The following CCDC192 variants were observed in gnomAD, a reference collection of about 807,000 sequenced individuals.
CCDC192 encodes the protein coiled-coil domain-containing protein 192.
At chr5:127,937,836 C>T (rs1177109371) in intron 6 of CCDC192, among the ~76,000 whole-genome samples, 1 of 152,216 alleles carries the variant, frequency 6.6e-6, no homozygotes, top group Non-Finnish European at 1.5e-5. Flanking sequence ...ACGTTTTGAC[C>T]AGTTTGACCA....
At chr5:127,737,612 T>C (rs1753100504) in intron 2 of CCDC192, among the ~76,000 whole-genome samples, 1 of 152,002 alleles carries the variant, frequency 6.6e-6, no homozygotes, top group Admixed American at 6.6e-5. Flanking sequence ...ATCTGGGTGC[T>C]CCTGTATTGG....
chr5:127,890,850 C>G (rs1752711829), intron 6 of CCDC192, among the ~76,000 whole-genome samples: 1 of 152,214 alleles, frequency 6.6e-6, no homozygotes, highest in African/African-American at 2.4e-5. Context: ...CTGGTGGAAG[C>G]TATCTATCTC....
intron 2 of CCDC192, among the ~76,000 whole-genome samples, chr5:127,712,398 T>A (rs1751389390): frequency 6.6e-6 from 1 of 152,182 alleles, no homozygotes; most frequent in Non-Finnish European, 1.5e-5. Context: ...CTCAATAAGC[T>A]GATTGTTAAA....
At chr5:127,838,824 T>A (rs1433313389) in intron 5 of CCDC192, 1 of 152,260 alleles carries the variant, frequency 6.6e-6, no homozygotes, top group East Asian at 1.9e-4. Context: ...GAAAGCAGCA[T>A]CCTGTGTGTA....
At chr5:127,792,812 GGAA>G (rs34627392) in intron 3 of CCDC192, among the ~76,000 whole-genome samples, 64,473 of 147,632 alleles carry the variant, frequency 0.44, 14,046 homozygotes, top group East Asian at 0.51. Context: ...GAGGAGAAGA[GGAA>G]GAAGAAGAAG....
At chr5:127,870,173 T>C (rs1178760514) in intron 5 of CCDC192, among the ~76,000 whole-genome samples, 1 of 152,160 alleles carries the variant, frequency 6.6e-6, no homozygotes. Context: ...ATAACAAGAA[T>C]CAATTCTGGA....
rs550823923 is a variant in CCDC192, at chr5:127,932,148, C to A, written c.536-9034C>A. ...CAGCCTGGGCAACAGAGTGAGACTC[C>A]GTCTCAAAAAAAAAAAAAAAAAGTA... On this transcript the variant is annotated intron_variant, in intron 6 of 6. Coordinates refer to ENST00000514853, the MANE Select transcript of CCDC192 (RefSeq NM_001317938.2). Among the ~76,000 whole-genome samples the A allele has an allele frequency of 1.7e-3, 241 of 139,980 alleles. 2 individuals carry two copies. Among genetic ancestry groups the A allele is most frequent in the African/African-American group, 6.3e-3 (225 of 35,616 alleles). 91.8% of individuals were successfully genotyped at this position (139,980 alleles called of 152,430 possible).
chr5:127,719,315 C>G (rs1751822797), intron 2 of CCDC192, among the ~76,000 whole-genome samples: 1 of 151,588 alleles, frequency 6.6e-6, no homozygotes, highest in Non-Finnish European at 1.5e-5. Context: ...GACACTTAGA[C>G]TGCTTCCAAA....
At chr5:127,815,445 G>A (rs1318733877) in intron 5 of CCDC192, among the ~76,000 whole-genome samples, 20 of 152,036 alleles carry the variant, frequency 1.3e-4, no homozygotes, top group Non-Finnish European at 2.9e-5. Flanking sequence ...TAGGGGGTGG[G>A]GAAAATCAGG....
At chr5:127,749,190 C>T (rs1289605018) in intron 2 of CCDC192, among the ~76,000 whole-genome samples, 1 of 151,820 alleles carries the variant, frequency 6.6e-6, no homozygotes, top group Non-Finnish European at 1.5e-5. Context: ...TGTCTTGTCC[C>T]AGTTTTCAAA....
intron 2 of CCDC192, among the ~76,000 whole-genome samples, chr5:127,723,613 A>G (rs1752148566): frequency 1.3e-5 from 2 of 152,220 alleles, no homozygotes; most frequent in Admixed American, 1.3e-4. Flanking sequence ...AAATTTCCTT[A>G]AGAGAAGATA....
rs532364668 is a variant in CCDC192 at position 127,760,403 on chromosome 5, C to T, written c.222+6028C>T. ...TGCCTAATGATTTCCCATGGAAACT[C>T]TTGCAAAGTTGCCCTTTTTGATGAG... On this transcript the variant is annotated intron_variant, in intron 3 of 6. Transcript: ENST00000514853. Among the ~76,000 whole-genome samples, 6 of 152,120 alleles carry T rather than the reference C, an allele frequency of 3.9e-5. No homozygotes were observed. In the East Asian group the frequency reaches 1.2e-3, roughly 30 times the overall value.
At chr5:127,816,016 T>G (rs1189925641) in intron 5 of CCDC192, among the ~76,000 whole-genome samples, 1 of 152,218 alleles carries the variant, frequency 6.6e-6, no homozygotes, top group Non-Finnish European at 1.5e-5. Context: ...CTAAAAGGTT[T>G]CATCCATCAT....
rs904716437 is a variant in CCDC192, at chr5:127,872,522, C to T, written c.412-3016C>T. ...GAAGTGGAAAGAGTTGAGGGAAGCC[C>T]AACTTCCAGTGACCTCTCAACCCAA... On this transcript the variant is annotated intron_variant, in intron 5 of 6. Transcript: ENST00000514853. 4.6e-5 allele frequency among the ~76,000 whole-genome samples: 7 copies of T among 152,294 alleles called. No homozygotes were observed. The South Asian group carries it at 6.2e-4, about 14-fold the overall frequency.
At chr5:127,840,387 C>T (rs1398939634) in intron 5 of CCDC192, among the ~76,000 whole-genome samples, 2 of 152,148 alleles carry the variant, frequency 1.3e-5, no homozygotes, top group Admixed American at 1.3e-4. Flanking sequence ...ACACAGAGCC[C>T]TGTAGTTGCA....
chr5:127,821,694 C>A (rs1749299565), intron 5 of CCDC192, among the ~76,000 whole-genome samples: 2 of 152,296 alleles, frequency 1.3e-5, no homozygotes, highest in Admixed American at 6.5e-5. Flanking sequence ...AAAAAGGGAA[C>A]CTGGGAGATC....
intron 2 of CCDC192, among the ~76,000 whole-genome samples, chr5:127,751,875 T>C (rs1199380243): frequency 6.6e-6 from 1 of 152,206 alleles, no homozygotes; most frequent in East Asian, 1.9e-4. Context: ...TCTTCTTCCA[T>C]TGCTGATACC....
At chr5:127,760,721 AAAAG>A (rs1334216353) in intron 3 of CCDC192, among the ~76,000 whole-genome samples, 1 of 151,106 alleles carries the variant, frequency 6.6e-6, no homozygotes, top group Non-Finnish European at 1.5e-5. Context: ...AAAAAAAAAA[AAAAG>A]GAAAGTTTTA....
chr5:127,793,209 T>G (rs1756981127), intron 3 of CCDC192, among the ~76,000 whole-genome samples: 1 of 152,192 alleles, frequency 6.6e-6, no homozygotes, highest in South Asian at 2.1e-4. Flanking sequence ...GTTGTGGAAT[T>G]AAGACTAAAA....
Sources: allele counts gnomAD v4.1 joint callset (sites outside exome capture counted in the v4.1 genomes callset), GRCh38; gene constraint gnomAD v4.1.1; transcripts MANE v1.5; gene names NCBI Gene and HGNC (gene_info 2026-07-23, HGNC 2026-07-21).